The following ADGRG6 variants were observed in gnomAD, a reference collection of about 807,000 sequenced individuals.
ADGRG6 encodes adhesion G protein-coupled receptor G6.
A neutral mutation model predicts 142.4 loss-of-function variants in ADGRG6; 84 were observed. The ratio of observed to expected loss-of-function variants is 0.59; its 90% CI spans 0.49 to 0.71. ADGRG6 has a LOEUF of 0.71. Among genes scored for constraint, ADGRG6 ranks in the 30% least tolerant of loss-of-function variants. The pLI is 0.00. For synonymous variants in ADGRG6, 521 were observed against 520.5 expected (o/e 1.00, Z -0.01); for missense variants, 1,367 against 1,466.6 (o/e 0.93, Z 1.11).
intron 22 of ADGRG6, among the ~76,000 whole-genome samples, chr6:142,421,775 C>A (rs1297336608): frequency 6.6e-6 from 1 of 152,140 alleles, no homozygotes; most frequent in Non-Finnish European, 1.5e-5. Flanking sequence ...AAACCATCAT[C>A]AACTCAGTGT....
chr6:142,402,191 C>T, intron 12 of ADGRG6, 133 bp downstream of exon 12: 1 of 545,854 alleles, frequency 1.8e-6, no homozygotes, highest in Non-Finnish European at 3.3e-6. Flanking sequence ...ATGATTGTTT[C>T]ACTTAAGACA....
chr6:142,340,985 A>G (rs1250236081), intron 2 of ADGRG6, among the ~76,000 whole-genome samples: 2 of 152,112 alleles, frequency 1.3e-5, no homozygotes, highest in African/African-American at 2.4e-5. Context: ...ATGCAGGGGT[A>G]GGAATTGGTT....
At chr6:142,324,580 A>G (rs1343151616) in intron 2 of ADGRG6, among the ~76,000 whole-genome samples, 1 of 152,118 alleles carries the variant, frequency 6.6e-6, no homozygotes, top group East Asian at 1.9e-4. Flanking sequence ...ATTTAAAATA[A>G]GGATAGAAAG....
At chr6:142,386,062 G>A (rs1318937152) in intron 6 of ADGRG6, among the ~76,000 whole-genome samples, 6 of 152,166 alleles carry the variant, frequency 3.9e-5, no homozygotes, top group Admixed American at 1.3e-4. Flanking sequence ...ATTGTGGGGA[G>A]AGGAGAGGGG....
chr6:142,360,405 G>A (rs970354811), intron 2 of ADGRG6, among the ~76,000 whole-genome samples: 3 of 152,098 alleles, frequency 2.0e-5, no homozygotes, highest in Admixed American at 1.3e-4. Flanking sequence ...GAACATAGAG[G>A]AGAGCTCTAT....
chr6:142,359,640 T>A (rs1319138037), intron 2 of ADGRG6, among the ~76,000 whole-genome samples: 1 of 152,246 alleles, frequency 6.6e-6, no homozygotes, highest in Non-Finnish European at 1.5e-5. Flanking sequence ...TATCACATTG[T>A]ATGATCACAA....
At chr6:142,394,695 C>T (rs964116067) in intron 9 of ADGRG6, among the ~76,000 whole-genome samples, 38 of 151,668 alleles carry the variant, frequency 2.5e-4, no homozygotes, top group African/African-American at 8.7e-4. Flanking sequence ...GATCCTCCTG[C>T]CTTAGCCTCC....
intron 2 of ADGRG6, among the ~76,000 whole-genome samples, chr6:142,363,643 G>A (rs1780818914): frequency 6.6e-6 from 1 of 152,124 alleles, no homozygotes; most frequent in South Asian, 2.1e-4. Context: ...TTTGAGTTGA[G>A]TAGCTTTTAG....
chr6:142,385,910 T>G (rs1250214618), intron 6 of ADGRG6, among the ~76,000 whole-genome samples: 7 of 152,328 alleles, frequency 4.6e-5, no homozygotes, highest in Non-Finnish European at 8.8e-5. Flanking sequence ...ATTCTCAGGC[T>G]TACATTCTGA....
chr6:142,407,639 G>T (rs1377682507), intron 15 of ADGRG6, among the ~76,000 whole-genome samples: 1 of 152,168 alleles, frequency 6.6e-6, no homozygotes, highest in Non-Finnish European at 1.5e-5. Flanking sequence ...CAGAGAAGAA[G>T]GTAGAAGTCC....
intron 14 of ADGRG6, chr6:142,405,317 C>T (rs1252400961): frequency 4.4e-6 from 2 of 458,828 alleles, no homozygotes; most frequent in Non-Finnish European, 8.7e-6. Context: ...TTCTCTTTCT[C>T]TCTCCCTTGC....
chr6:142,318,172 T>TTATATA (rs1778279247), intron 2 of ADGRG6, among the ~76,000 whole-genome samples: 1 of 13,918 alleles, frequency 7.2e-5, no homozygotes, highest in East Asian at 2.0e-3. Flanking sequence ...ATATTATATA[T>TTATATA]TTATATATTA....
At chr6:142,439,265 G>A (rs1777628981) in intron 24 of ADGRG6, among the ~76,000 whole-genome samples, 1 of 152,216 alleles carries the variant, frequency 6.6e-6, no homozygotes, top group South Asian at 2.1e-4. Context: ...ACCCCTGGCA[G>A]ACAGCTGTCA....
chr6:142,396,691 T>C (rs1008311783), intron 9 of ADGRG6, among the ~76,000 whole-genome samples: 5 of 152,220 alleles, frequency 3.3e-5, no homozygotes, highest in African/African-American at 1.2e-4. Context: ...TCTTATCTTA[T>C]TCATTTCTCC....
In ADGRG6 at chr6:142,370,633, A is replaced by G. The variant is rs1477791059; in HGVS notation, c.909A>G (p.Leu303=). 3.1e-6 allele frequency: 5 copies of G among 1,613,528 alleles called. No homozygotes were observed. Among genetic ancestry groups the G allele is most frequent in the Non-Finnish European group, 3.4e-6 (4 of 1,179,632 alleles). The change falls in exon 4 of 25, where the codon CTA becomes CTG. Residue 303 remains leucine, a synonymous_variant. Coordinates refer to ENST00000367609, the MANE Select transcript of ADGRG6 (RefSeq NM_198569.3). The part of the protein sequence containing the change: ...LGSNQNEIVS[L]KGDIYNFRLW... ...CCAATCAAAATGAAATTGTCTCTCT[A>G]AAAGGGGACATTTATAACTTTCGAC... is the stretch of plus-strand genomic sequence containing the variant.
At chr6:142,345,160 G>C (rs1779831736) in intron 2 of ADGRG6, among the ~76,000 whole-genome samples, 1 of 152,078 alleles carries the variant, frequency 6.6e-6, no homozygotes, top group Non-Finnish European at 1.5e-5. Flanking sequence ...TTTCTACAGA[G>C]TGGTAAAAGA....
chr6:142,435,848 G>T (rs1397744119), intron 22 of ADGRG6, among the ~76,000 whole-genome samples: 1 of 152,196 alleles, frequency 6.6e-6, no homozygotes, highest in Non-Finnish European at 1.5e-5. Flanking sequence ...AATAACGGTT[G>T]CTGAGGGCCT....
intron 2 of ADGRG6, among the ~76,000 whole-genome samples, chr6:142,339,458 T>A (rs1173821211): frequency 6.6e-6 from 1 of 152,182 alleles, no homozygotes; most frequent in Admixed American, 6.5e-5. Flanking sequence ...ATTTGAACCC[T>A]CCTTCCCCTC....
intron 2 of ADGRG6, among the ~76,000 whole-genome samples, chr6:142,315,871 A>G (rs923779917): frequency 2.0e-5 from 3 of 150,244 alleles, no homozygotes; most frequent in South Asian, 2.1e-4. Flanking sequence ...AAATAAATAA[A>G]GCAAGGTTCT....
Sources: allele counts gnomAD v4.1 joint callset (sites outside exome capture counted in the v4.1 genomes callset), GRCh38; gene constraint gnomAD v4.1.1; transcripts MANE v1.5; gene names NCBI Gene and HGNC (gene_info 2026-07-23, HGNC 2026-07-21).